Variants in AGBL3 observed in about 807,000 individuals in gnomAD.
The protein encoded by AGBL3 is AGBL carboxypeptidase 3, also known as cytosolic carboxypeptidase 3.
A neutral mutation model predicts 94.5 loss-of-function variants in AGBL3; 68 were observed. The ratio of observed to expected loss-of-function variants is 0.72; its 90% CI spans 0.59 to 0.88. The LOEUF is 0.88. Among genes scored for constraint, AGBL3 ranks in the 40% least tolerant of loss-of-function variants. The pLI, the probability that AGBL3 is intolerant of heterozygous loss-of-function variation, is 0.00. For missense variants in AGBL3, 934 were observed against 1,103.8 expected (o/e 0.85, Z 2.18); for synonymous variants, 354 against 370.7 (o/e 0.95, Z 0.52).
At chr7:135,101,176 G>T (rs1402078336) in intron 15 of AGBL3, 2 of 455,940 alleles carry the variant, frequency 4.4e-6, no homozygotes, top group African/African-American at 4.0e-5. Context: ...CCCCTCAAGG[G>T]AACTGATTTG....
At chr7:135,091,316 A>T (rs1234898252) in intron 15 of AGBL3, among the ~76,000 whole-genome samples, 4 of 151,920 alleles carry the variant, frequency 2.6e-5, no homozygotes, top group African/African-American at 9.7e-5. Context: ...TATGTGGGGG[A>T]TTTGTTCCAG....
intron 12 of AGBL3, among the ~76,000 whole-genome samples, chr7:135,074,011 CT>C: frequency 6.7e-6 from 1 of 149,922 alleles, no homozygotes; most frequent in East Asian, 2.0e-4. Flanking sequence ...AATGTGGTGA[CT>C]ATAGTTAATA....
At chr7:135,003,465 A>G (rs1323106439) in intron 4 of AGBL3, among the ~76,000 whole-genome samples, 2 of 151,986 alleles carry the variant, frequency 1.3e-5, no homozygotes, top group Admixed American at 6.6e-5. Context: ...TTATGTCTCT[A>G]TATGGAATCT....
chr7:135,072,665 CA>C (rs1004550250), intron 12 of AGBL3, among the ~76,000 whole-genome samples: 21 of 148,760 alleles, frequency 1.4e-4, no homozygotes, highest in African/African-American at 4.9e-4. Context: ...ATCACAAGGA[CA>C]AAAAACCAAA....
chr7:135,082,059 T>C (rs1183277220), intron 15 of AGBL3, among the ~76,000 whole-genome samples: 1 of 152,198 alleles, frequency 6.6e-6, no homozygotes, highest in East Asian at 1.9e-4. Flanking sequence ...CCCAGGCTCA[T>C]CCAACCTCTG....
At chr7:135,040,591 AC>A (rs1816754977) in intron 8 of AGBL3, among the ~76,000 whole-genome samples, 1 of 149,614 alleles carries the variant, frequency 6.7e-6, no homozygotes, top group African/African-American at 2.5e-5. Flanking sequence ...AAAAAAAAAA[AC>A]TTTCAGCAAA....
chr7:135,068,090 C>T (rs1225684713), intron 12 of AGBL3, among the ~76,000 whole-genome samples: 1 of 152,186 alleles, frequency 6.6e-6, no homozygotes, highest in Non-Finnish European at 1.5e-5. Flanking sequence ...GTGATGAATG[C>T]ACAAGCCTCA....
intron 7 of AGBL3, among the ~76,000 whole-genome samples, chr7:135,035,303 T>G (rs1462489484): frequency 6.6e-6 from 1 of 151,962 alleles, no homozygotes; most frequent in African/African-American, 2.4e-5. Flanking sequence ...ACCGTTGGCT[T>G]CTCTCTCTAG....
intron 8 of AGBL3, among the ~76,000 whole-genome samples, chr7:135,042,193 G>T (rs964426013): frequency 6.6e-6 from 1 of 152,108 alleles, no homozygotes; most frequent in Non-Finnish European, 1.5e-5. Flanking sequence ...AAATGAAAAG[G>T]TACATTCATA....
At chr7:135,119,163 A>C (rs1000586317) in intron 16 of AGBL3, among the ~76,000 whole-genome samples, 2 of 152,152 alleles carry the variant, frequency 1.3e-5, no homozygotes, top group Non-Finnish European at 2.9e-5. Flanking sequence ...AAACCTATAG[A>C]TCAAAAAGCT....
chr7:135,088,760 C>G (rs1450575100), intron 15 of AGBL3, among the ~76,000 whole-genome samples: 1 of 152,080 alleles, frequency 6.6e-6, no homozygotes, highest in East Asian at 1.9e-4. Flanking sequence ...TGATGATTCC[C>G]TTGTGTGTGA....
At chr7:135,084,494 C>A (rs1342696546) in intron 15 of AGBL3, among the ~76,000 whole-genome samples, 1 of 152,062 alleles carries the variant, frequency 6.6e-6, no homozygotes, top group Non-Finnish European at 1.5e-5. Context: ...ATCCTTTCCA[C>A]CCCTCTATCC....
At chr7:135,125,280 A>C (rs780606781) in intron 16 of AGBL3, among the ~76,000 whole-genome samples, 9 of 152,202 alleles carry the variant, frequency 5.9e-5, no homozygotes, top group Non-Finnish European at 1.3e-4. Context: ...GATGCAAATA[A>C]ACTAGAAAAT....
chr7:135,017,308 T>C, intron 5 of AGBL3, 149 bp downstream of exon 5: 1 of 627,856 alleles, frequency 1.6e-6, no homozygotes, highest in South Asian at 1.9e-5. Context: ...GATCCAAGTG[T>C]TGATTTAGAG....
chr7:135,073,834 G>A (rs761345327), intron 12 of AGBL3, among the ~76,000 whole-genome samples: 8 of 152,130 alleles, frequency 5.3e-5, no homozygotes, highest in East Asian at 3.9e-4. Context: ...GTCAGGGGTC[G>A]ATCTTTAACT....
At chr7:135,084,097 C>CT (rs1821140582) in intron 15 of AGBL3, among the ~76,000 whole-genome samples, 1 of 151,938 alleles carries the variant, frequency 6.6e-6, no homozygotes, top group Non-Finnish European at 1.5e-5. Flanking sequence ...AAATTTTTTC[C>CT]TTTATTATTT....
chr7:134,993,221 A>G (rs1810525586), intron 3 of AGBL3, among the ~76,000 whole-genome samples: 1 of 152,360 alleles, frequency 6.6e-6, no homozygotes, highest in Admixed American at 6.5e-5. Flanking sequence ...ATGATTTGCT[A>G]GAAAAGCTAC....
chr7:135,038,041 G>A (rs1171035051), intron 8 of AGBL3, among the ~76,000 whole-genome samples: 1 of 151,942 alleles, frequency 6.6e-6, no homozygotes, highest in Non-Finnish European at 1.5e-5. Flanking sequence ...ATAGAAATTA[G>A]AATGAGAAAA....
rs1015035627 is a variant in AGBL3 at position 135,130,586 on chromosome 7, G to C, written c.2343-4255G>C. On this transcript the variant is annotated intron_variant, in intron 16 of 16. Coordinates refer to ENST00000436302, the MANE Select transcript of AGBL3 (RefSeq NM_178563.4). ...TTTTATTTCCTCTGCTGGAATAGGA[G>C]AAAGCTTAATAATATATTAATTTAA... 7.3e-5 allele frequency among the ~76,000 whole-genome samples: 11 copies of C among 151,680 alleles called. No homozygotes were observed. In the East Asian group the frequency reaches 1.3e-3, roughly 19 times the overall value.
Sources: allele counts gnomAD v4.1 joint callset (sites outside exome capture counted in the v4.1 genomes callset), GRCh38; gene constraint gnomAD v4.1.1; transcripts MANE v1.5; gene names NCBI Gene and HGNC (gene_info 2026-07-23, HGNC 2026-07-21).